TRIM22: variants seen among roughly 807,000 people sequenced by gnomAD.
TRIM22 encodes the protein tripartite motif containing 22.
TRIM22 carries 45 observed loss-of-function variants against 53.6 expected under a neutral mutation model. That is an observed-to-expected ratio of 0.84 (90% CI 0.66 to 1.08). The LOEUF (loss-of-function observed/expected upper bound fraction) is 1.08, where lower values mean the gene tolerates loss of function less well. Ranked by LOEUF, TRIM22 falls within the 50% of genes least tolerant of loss-of-function variation. TRIM22 has a pLI of 0.00. For synonymous variants in TRIM22, 225 were observed against 216.6 expected (o/e 1.04, Z -0.34); for missense variants, 616 against 590.9 (o/e 1.04, Z -0.44).
intron 7 of TRIM22, 90 bp downstream of exon 7, chr11:5,708,693 A>G: frequency 8.8e-7 from 1 of 1,139,840 alleles, no homozygotes; most frequent in Non-Finnish European, 1.2e-6. Flanking sequence ...GTTCCTCCCC[A>G]AACATGCTTA....
At position 5,708,272 on chromosome 11, in the gene TRIM22, A is replaced by C; in HGVS notation, c.873A>C (p.Lys291Asn). The change falls in exon 6 of 8, where the codon AAA (lysine) becomes AAC (asparagine). Residue 291 changes from lysine to asparagine, a missense_variant and splice_region_variant. Physicochemically the swap from Lys to Asn is moderately conservative, Grantham distance 94. Transcript: ENST00000379965. ...PDLSGMLQVLKELTDVQYYWV... is the reference protein window; with the variant it reads ...PDLSGMLQVLNELTDVQYYWV... ...TGAGTGGGATGCTGCAAGTTCTTAA[A>C]GGTAAGGGGATTCAGGGGAAGGCTG... 6.2e-7 allele frequency: 1 copy of C among 1,611,930 alleles called. No individual in the cohort carries two copies. The highest frequency in any genetic ancestry group is 8.5e-7 in the Non-Finnish European group (1 of 1,177,962).
chr11:5,707,725 T>C (rs1014050705), intron 5 of TRIM22, among the ~76,000 whole-genome samples: 2 of 152,106 alleles, frequency 1.3e-5, no homozygotes, highest in African/African-American at 4.8e-5. Flanking sequence ...GGCAGGAGAA[T>C]GGCTTGAACC....
At chr11:5,691,534 TTTTC>T in intron 1 of TRIM22, among the ~76,000 whole-genome samples, 1 of 152,296 alleles carries the variant, frequency 6.6e-6, no homozygotes, top group East Asian at 1.9e-4. Context: ...AGTTTTTACT[TTTTC>T]TTTCTTTGGA....
intron 1 of TRIM22, among the ~76,000 whole-genome samples, chr11:5,692,641 G>A (rs945005604): frequency 6.6e-6 from 1 of 152,086 alleles, no homozygotes; most frequent in African/African-American, 2.4e-5. Context: ...CAAGGAACAG[G>A]GGAAATTTAA....
At position 5,698,560 on chromosome 11, in the gene TRIM22, G is replaced by A; in HGVS notation, c.750+15G>A. 6.3e-7 allele frequency: 1 copy of A among 1,595,560 alleles called. No homozygotes were observed. The highest frequency in any genetic ancestry group is 8.6e-7 in the Non-Finnish European group (1 of 1,166,190). On this transcript the variant is annotated intron_variant, in intron 4 of 7. Coordinates refer to ENST00000379965, the MANE Select transcript of TRIM22 (RefSeq NM_006074.5). ...AGATGCTGCAGGTAAGACTTGGGAT[G>A]GAGCACCTACGTAAGAGATTAGGGG...
intron 3 of TRIM22, chr11:5,697,615 A>G (rs1028843933): frequency 5.5e-6 from 2 of 362,514 alleles, no homozygotes; most frequent in Non-Finnish European, 1.0e-5. Context: ...TTGTGTCATC[A>G]GGTTTGAGGC....
At chr11:5,706,569 C>T in intron 4 of TRIM22, 25 bp from the exon 5 acceptor site, 2 of 1,611,314 alleles carry the variant, frequency 1.2e-6, no homozygotes, top group Non-Finnish European at 1.7e-6. Flanking sequence ...CCTATCTTGA[C>T]TCATGTTTTC....
chr11:5,697,745 A>G (rs12421805), intron 3 of TRIM22: 2 of 177,702 alleles, frequency 1.1e-5, no homozygotes, highest in Admixed American at 5.6e-5. Context: ...TCTCTGTCAT[A>G]CAGGCTGGAG....
chr11:5,694,675 A>G (rs1011402608), intron 1 of TRIM22, among the ~76,000 whole-genome samples: 1 of 152,234 alleles, frequency 6.6e-6, no homozygotes, highest in African/African-American at 2.4e-5. Context: ...GAAGAAAGGG[A>G]GTATTCTTAT....
chr11:5,698,458 C>G lies in TRIM22; in HGVS notation c.663C>G (p.Asp221Glu). Residue 221 changes from aspartate (D) to glutamate (E), a missense_variant, in exon 4 of 8, where the codon GAC (aspartate) becomes GAG (glutamate). Coordinates refer to ENST00000379965, the MANE Select transcript of TRIM22 (RefSeq NM_006074.5). The part of the protein sequence containing the change: ...NVLDNLAAAT[D>E]QLVQQRQDAS... ...TGGATAACCTGGCAGCAGCTACAGACCAGCTGGTCCAGCAGAGGCAGGATG... is the reference window on the plus strand; with the variant it reads ...TGGATAACCTGGCAGCAGCTACAGAGCAGCTGGTCCAGCAGAGGCAGGATG... 1 of 1,614,106 alleles carries G rather than the reference C, an allele frequency of 6.2e-7. No homozygotes were observed. Among genetic ancestry groups the G allele is most frequent in the Non-Finnish European group, 8.5e-7 (1 of 1,179,982 alleles).
rs553141593 is a variant in TRIM22 at position 5,709,049 on chromosome 11, A to G, written c.902-4A>G. 3.1e-6 allele frequency: 5 copies of G among 1,608,250 alleles called. No homozygotes were observed. The highest frequency in any genetic ancestry group is 1.1e-5 in the South Asian group (1 of 90,854). The stretch of plus-strand genomic sequence containing the variant: ...TTCACTTGACTTGGTAATTTTTTCT[A>G]CAGTGGACGTGATGCTGAATCCAGG... On this transcript the variant is annotated splice_polypyrimidine_tract_variant and splice_region_variant and intron_variant, in intron 7 of 7. Coordinates refer to ENST00000379965, the MANE Select transcript of TRIM22 (RefSeq NM_006074.5).
intron 4 of TRIM22, among the ~76,000 whole-genome samples, chr11:5,702,638 TTTCAC>T (rs1701715352): frequency 6.6e-6 from 1 of 152,016 alleles, no homozygotes; most frequent in Non-Finnish European, 1.5e-5. Flanking sequence ...CTGTCATTCA[TTTCAC>T]TTATCCATAA....
At chr11:5,697,722 G>C (rs557902060) in intron 3 of TRIM22, 17 of 174,394 alleles carry the variant, frequency 9.7e-5, no homozygotes, top group Admixed American at 1.8e-4. Flanking sequence ...TTTGTTTTTT[G>C]AGACAGAGTC....
chr11:5,709,856 CTGGA>C lies in TRIM22; in HGVS notation c.*209_*212del. On this transcript the variant is annotated 3_prime_UTR_variant, in exon 8 of 8. Transcript: ENST00000379965. ...TGTAATTGTATTGCCGTACTGTGGG[CTGGA>C]AATCCCAAATCTAGATTCCAGCAGA... 3.6e-6 allele frequency: 2 copies of C among 549,672 alleles called. No homozygotes were observed. Among genetic ancestry groups the C allele is most frequent in the Non-Finnish European group, 6.4e-6 (2 of 314,418 alleles). The allele number at this position is 549,672 out of a possible 1,614,324, so 34.0% of individuals were successfully genotyped here.
At position 5,709,465 on chromosome 11, in the gene TRIM22, G is replaced by C; in HGVS notation, c.1314G>C (p.Val438=). ...AGGTTTTGACTCTCTTTATGGCTGTGCCTCCCTGTCGTATTGGGGTTTTCC... is the reference window on the plus strand; with the variant it reads ...AGGTTTTGACTCTCTTTATGGCTGTCCCTCCCTGTCGTATTGGGGTTTTCC... ...DPKVLTLFMA[V]PPCRIGVFLD... The change falls in exon 8 of 8, where the codon GTG becomes GTC. Residue 438 remains valine (V), a synonymous_variant. Transcript: ENST00000379965. The C allele has an allele frequency of 6.2e-7, 1 of 1,614,116 alleles. No individual in the cohort carries two copies. Among genetic ancestry groups the C allele is most frequent in the Non-Finnish European group, 8.5e-7 (1 of 1,180,030 alleles).
At chr11:5,691,230 A>G (rs976860727) in intron 1 of TRIM22, 1 of 152,238 alleles carries the variant, frequency 6.6e-6, no homozygotes, top group African/African-American at 2.4e-5. Context: ...CTCCTGTCTC[A>G]AGAGCCGAGC....
Position 5,708,052 on chromosome 11 carries a change from G to C in TRIM22, c.774-121G>C, listed in dbSNP as rs1853488799. The C allele has an allele frequency of 5.5e-6, 4 of 733,416 alleles. No individual in the cohort carries two copies. The African/African-American group carries it at 7.0e-5, about 13-fold the overall frequency. 45.4% of individuals were successfully genotyped at this position (733,416 alleles called of 1,614,324 possible). ...CAGTGTCAGGCATCTCCCCTCTACT[G>C]TCCTCAGGGAAGAGGGTCCAAGTGC... On this transcript the variant is annotated intron_variant, in intron 5 of 7. Coordinates refer to ENST00000379965, the MANE Select transcript of TRIM22 (RefSeq NM_006074.5).
At chr11:5,708,097 G>C in intron 5 of TRIM22, 76 bp from the exon 6 acceptor site, 1 of 1,206,498 alleles carries the variant, frequency 8.3e-7, no homozygotes, top group Non-Finnish European at 1.2e-6. Context: ...TATGGTGAAA[G>C]GTGAAAGAGA....
chr11:5,698,670 G>GCATGC (rs1484609757), intron 4 of TRIM22, 125 bp downstream of exon 4: 5 of 757,950 alleles, frequency 6.6e-6, no homozygotes, highest in East Asian at 5.4e-5. Context: ...CTTTGGCCCG[G>GCATGC]CATGCCCCTT....
Sources: gnomAD v4.1 joint callset for allele counts (sites outside exome capture counted in the v4.1 genomes callset) on GRCh38, gnomAD v4.1.1 for gene constraint, MANE v1.5 for transcripts, NCBI Gene and HGNC (gene_info 2026-07-23, HGNC 2026-07-21) for gene names.